The following BANK1 variants were observed in gnomAD, a reference collection of about 807,000 sequenced individuals.
The protein encoded by BANK1 is B-cell scaffold protein with ankyrin repeats.
Under a neutral mutation model 94.5 loss-of-function variants are expected in BANK1, and 95 were observed. The ratio of observed to expected loss-of-function variants is 1.00; its 90% confidence interval spans 0.85 to 1.19. The LOEUF (loss-of-function observed/expected upper bound fraction) is 1.19. Among genes scored for constraint, BANK1 ranks in the 50% most tolerant of loss-of-function variants. The probability of loss-of-function intolerance (pLI) is 0.00; values close to 1 mark genes in which losing one functional copy is unlikely to be tolerated. For missense variants in BANK1, 987 were observed against 932.2 expected (o/e 1.06, Z -0.77); for synonymous variants, 334 against 308.4 (o/e 1.08, Z -0.87).
chr4:101,929,647 T>G (rs1723280304), intron 7 of BANK1, among the ~76,000 whole-genome samples: 1 of 151,572 alleles, frequency 6.6e-6, no homozygotes, highest in African/African-American at 2.4e-5. Flanking sequence ...TGCTTTCTAC[T>G]TATTAAGTCA....
At chr4:102,034,664 A>T (rs1727439985) in intron 10 of BANK1, among the ~76,000 whole-genome samples, 1 of 152,214 alleles carries the variant, frequency 6.6e-6, no homozygotes, top group South Asian at 2.1e-4. Flanking sequence ...TCTTCTTATA[A>T]TAATTATCAT....
At chr4:101,997,501 A>G (rs1578444463) in intron 7 of BANK1, among the ~76,000 whole-genome samples, 1 of 152,088 alleles carries the variant, frequency 6.6e-6, no homozygotes, top group East Asian at 1.9e-4. Flanking sequence ...TTTCGGAAGG[A>G]ATGGTACCAG....
At chr4:101,850,071 C>T (rs184549068) in intron 2 of BANK1, among the ~76,000 whole-genome samples, 169 of 152,234 alleles carry the variant, frequency 1.1e-3, no homozygotes, top group Middle Eastern at 0.01. Flanking sequence ...GACAGAAATT[C>T]AGTAATCCAT....
chr4:101,947,456 A>T (rs1723974844), intron 7 of BANK1, among the ~76,000 whole-genome samples: 1 of 151,254 alleles, frequency 6.6e-6, no homozygotes, highest in African/African-American at 2.4e-5. Flanking sequence ...ACTTAACTGA[A>T]GAATACATCA....
intron 7 of BANK1, among the ~76,000 whole-genome samples, chr4:101,987,142 G>C (rs1043592107): frequency 6.6e-6 from 1 of 151,578 alleles, no homozygotes; most frequent in East Asian, 1.9e-4. Flanking sequence ...AAAGATGGTT[G>C]CTTATCTTTA....
chr4:101,944,652 AG>A (rs1361970478), intron 7 of BANK1, among the ~76,000 whole-genome samples: 2 of 152,014 alleles, frequency 1.3e-5, no homozygotes, highest in Non-Finnish European at 2.9e-5. Context: ...AGCCCTTCAA[AG>A]GACATACACA....
At chr4:102,026,081 C>A (rs1169346415) in intron 9 of BANK1, among the ~76,000 whole-genome samples, 3 of 152,114 alleles carry the variant, frequency 2.0e-5, no homozygotes, top group Non-Finnish European at 2.9e-5. Context: ...TATACACTAC[C>A]CAAGTGGAAG....
intron 8 of BANK1, among the ~76,000 whole-genome samples, chr4:102,023,097 G>A (rs1364519525): frequency 1.3e-5 from 2 of 152,052 alleles, no homozygotes. Flanking sequence ...AAGGGATTAG[G>A]GCTTTTTATT....
chr4:101,962,938 A>G (rs1405969870), intron 7 of BANK1, among the ~76,000 whole-genome samples: 3 of 152,126 alleles, frequency 2.0e-5, no homozygotes, highest in Admixed American at 6.6e-5. Context: ...TTAAGAGTTA[A>G]ATTGTGAGCA....
intron 7 of BANK1, 50 bp downstream of exon 7, chr4:101,918,239 AG>A (rs1221761022): frequency 7.7e-7 from 1 of 1,290,762 alleles, no homozygotes; most frequent in Non-Finnish European, 1.0e-6. Context: ...TTGATATTGT[AG>A]AAGAGACTGT....
intron 7 of BANK1, among the ~76,000 whole-genome samples, chr4:101,999,579 C>T (rs1237368751): frequency 6.6e-6 from 1 of 152,192 alleles, no homozygotes; most frequent in East Asian, 1.9e-4. Flanking sequence ...TAAGAAACTG[C>T]TTTGCCTTTG....
chr4:101,847,774 C>CACACACAT (rs60352400), intron 2 of BANK1, among the ~76,000 whole-genome samples: 1 of 138,416 alleles, frequency 7.2e-6, no homozygotes, highest in Non-Finnish European at 1.6e-5. Flanking sequence ...CACACACACA[C>CACACACAT]ATATGTCTCA....
At chr4:102,026,505 G>C (rs1449358698) in intron 9 of BANK1, among the ~76,000 whole-genome samples, 2 of 152,012 alleles carry the variant, frequency 1.3e-5, no homozygotes, top group African/African-American at 2.4e-5. Flanking sequence ...ACATGACCTT[G>C]TTTCAAAAAG....
At chr4:102,060,163 T>A (rs758912682) in intron 11 of BANK1, 48 bp from the exon 12 acceptor site, 15 of 1,465,734 alleles carry the variant, frequency 1.0e-5, no homozygotes. Flanking sequence ...TGTTCCCAGT[T>A]GTCTACACCT....
chr4:102,065,978 G>A (rs1728578510), intron 13 of BANK1, among the ~76,000 whole-genome samples: 1 of 152,022 alleles, frequency 6.6e-6, no homozygotes, highest in African/African-American at 2.4e-5. Flanking sequence ...AAGGAGAAAA[G>A]AGTGAAAAGA....
At chr4:101,972,798 C>A (rs1330939082) in intron 7 of BANK1, 1 of 152,044 alleles carries the variant, frequency 6.6e-6, no homozygotes, top group East Asian at 1.9e-4. Context: ...AAATTTGAGT[C>A]CCCCTCACGT....
intron 2 of BANK1, among the ~76,000 whole-genome samples, chr4:101,848,980 G>T (rs1309681375): frequency 6.6e-6 from 1 of 152,158 alleles, no homozygotes. Context: ...CTGAGCCACG[G>T]AGGCAACTGG....
intron 7 of BANK1, among the ~76,000 whole-genome samples, chr4:101,952,682 A>G (rs180952978): frequency 4.6e-5 from 7 of 152,280 alleles, no homozygotes; most frequent in African/African-American, 1.4e-4. Context: ...AAATAAATCA[A>G]TGCCAGACCT....
chr4:101,938,966 C>T (rs1467393178), intron 7 of BANK1, among the ~76,000 whole-genome samples: 2 of 151,698 alleles, frequency 1.3e-5, no homozygotes. Flanking sequence ...AAGTCACAGG[C>T]CAAGCAGTAG....
Sources: allele counts gnomAD v4.1 joint callset (sites outside exome capture counted in the v4.1 genomes callset), GRCh38; gene constraint gnomAD v4.1.1; transcripts MANE v1.5; gene names NCBI Gene and HGNC (gene_info 2026-07-23, HGNC 2026-07-21).